Variants in CCDC68 observed in about 807,000 individuals in gnomAD.
The protein encoded by CCDC68 is coiled-coil domain containing 68.
Under a neutral mutation model 47.1 loss-of-function variants are expected in CCDC68, and 45 were observed. The observed-to-expected ratio is 0.96, with a 90% CI of 0.75 to 1.23. The LOEUF (loss-of-function observed/expected upper bound fraction) is 1.23, where lower values mean the gene tolerates loss of function less well. Ranked by LOEUF, CCDC68 falls within the 50% of genes most tolerant of loss-of-function variation. The probability of loss-of-function intolerance (pLI) is 0.00; values close to 1 mark genes in which losing one functional copy is unlikely to be tolerated. For missense variants in CCDC68, 353 were observed against 373.6 expected, an observed-to-expected ratio of 0.94 and a Z score of 0.45; for synonymous variants, 131 against 129.5, an observed-to-expected ratio of 1.01 and a Z score of -0.08.
chr18:54,942,217 G>A (rs1383690040), intron 3 of CCDC68, among the ~76,000 whole-genome samples: 1 of 152,190 alleles, frequency 6.6e-6, no homozygotes, highest in African/African-American at 2.4e-5. Context: ...TTAATGAAGT[G>A]ATATGCCAAC....
rs540994751 is a variant in CCDC68 at position 54,911,961 on chromosome 18, A to G, written c.874-4099T>C. 1.4e-3 allele frequency among the ~76,000 whole-genome samples: 210 copies of G among 152,350 alleles called. 1 individual carries two copies. The highest frequency in any genetic ancestry group is 4.8e-3 in the African/African-American group (200 of 41,590). On this transcript the variant is annotated intron_variant, in intron 10 of 11. Coordinates refer to ENST00000591504, the MANE Select transcript of CCDC68 (RefSeq NM_025214.3). ...GACTTTTCTGATTTTTCCTTTAACTAGGACAGTATATGCATGAGTTTTATT... is the reference window on the plus strand; with the variant it reads ...GACTTTTCTGATTTTTCCTTTAACTGGGACAGTATATGCATGAGTTTTATT...
Position 54,954,056 on chromosome 18 carries a change from C to CT in CCDC68, c.-103+5279dup, listed in dbSNP as rs756335310. On this transcript the variant is annotated intron_variant, in intron 1 of 11. Coordinates refer to ENST00000591504, the MANE Select transcript of CCDC68 (RefSeq NM_025214.3). The stretch of plus-strand genomic sequence containing the variant: ...CCCTCCTTCCTTTCTTTCTTTCTTT[C>CT]TTTTTTTTTTTTTGTTTCAGACATA... Among the ~76,000 whole-genome samples, 502 of 89,952 alleles carry CT rather than the reference C, an allele frequency of 5.6e-3. 8 individuals are homozygous for CT. Among genetic ancestry groups the CT allele is most frequent in the Middle Eastern group, 0.015 (2 of 130 alleles). 59.0% of individuals were successfully genotyped at this position (89,952 alleles called of 152,430 possible). A position where few individuals can be genotyped will look rare whatever the true frequency, so the allele number is the denominator to read the frequency against.
chr18:54,937,977 T>G lies in CCDC68; in HGVS notation c.325A>C (p.Asn109His), dbSNP rs2044376085. The change falls in exon 5 of 12, where the codon AAT becomes CAT. Residue 109 changes from asparagine to histidine, a missense_variant. Asn to His is a moderately conservative substitution (Grantham distance 68). Coordinates refer to ENST00000591504, the MANE Select transcript of CCDC68 (RefSeq NM_025214.3). The part of the protein sequence containing the change: ...DLQLLEMNKE[N>H]EVLKIKLQAS... ...CATACCTTGATTTTCAATACTTCAT[T>G]CTCTTTGTTCATTTCTAAGAGCTGT... 2 of 1,611,148 alleles carry G rather than the reference T, an allele frequency of 1.2e-6. No individual in the cohort carries two copies. The highest frequency in any genetic ancestry group is 2.7e-5 in the African/African-American group (2 of 74,822).
intron 1 of CCDC68, among the ~76,000 whole-genome samples, chr18:54,955,696 TAAG>T (rs1326322969): frequency 2.0e-5 from 3 of 152,288 alleles, no homozygotes; most frequent in Admixed American, 6.5e-5. Flanking sequence ...CTTGCAAAGT[TAAG>T]AAGTTCTTTT....
chr18:54,904,833 A>C (rs1338884839), intron 11 of CCDC68, among the ~76,000 whole-genome samples: 1 of 152,206 alleles, frequency 6.6e-6, no homozygotes, highest in Non-Finnish European at 1.5e-5. Context: ...TCTAGTATTT[A>C]AAACTGTAAG....
At chr18:54,905,959 G>A (rs977128893) in intron 11 of CCDC68, among the ~76,000 whole-genome samples, 3 of 152,166 alleles carry the variant, frequency 2.0e-5, no homozygotes, top group African/African-American at 7.2e-5. Context: ...TGCTCCTTAT[G>A]AGAATCTAAT....
intron 8 of CCDC68, among the ~76,000 whole-genome samples, chr18:54,920,236 C>CTTTTTTTTT (rs58528142): frequency 1.5e-5 from 2 of 135,232 alleles, no homozygotes; most frequent in African/African-American, 5.5e-5. Context: ...TTTCTTTTTT[C>CTTTTTTTTT]TTTTTTTTTT....
chr18:54,928,679 C>T (rs1310158939), intron 8 of CCDC68, 121 bp downstream of exon 8: 3 of 663,068 alleles, frequency 4.5e-6, no homozygotes, highest in Non-Finnish European at 8.1e-6. Context: ...CAACCTTCCT[C>T]CTGCACTGTC....
At position 54,904,392 on chromosome 18, in the gene CCDC68, G is replaced by T. The variant is rs780842893; in HGVS notation, c.974C>A (p.Ser325Tyr). The change falls in exon 12 of 12, where the codon TCC becomes TAC. Residue 325 changes from serine to tyrosine, a missense_variant. Ser to Tyr is a moderately radical substitution (Grantham distance 144). Coordinates refer to ENST00000591504, the MANE Select transcript of CCDC68 (RefSeq NM_025214.3). Reference protein sequence around the residue: ...STSELKTEGVSPYLMLIRLRK With the variant: ...STSELKTEGVYPYLMLIRLRK Reference sequence around the variant, plus strand: ...TAACCTAATCAACATTAAATAAGGGGAAACACCTTCGGTCTTCAATTCACT... The same window carrying T: ...TAACCTAATCAACATTAAATAAGGGTAAACACCTTCGGTCTTCAATTCACT... 1 of 1,613,552 alleles carries T rather than the reference G, an allele frequency of 6.2e-7. No individual in the cohort carries two copies. The highest frequency in any genetic ancestry group is 1.7e-5 in the Admixed American group (1 of 59,992).
chr18:54,943,773 T>C (rs562986397), intron 2 of CCDC68, among the ~76,000 whole-genome samples: 12 of 152,314 alleles, frequency 7.9e-5, no homozygotes, highest in Non-Finnish European at 7.4e-5. Context: ...CATTATAGAA[T>C]AAAGCCAACA....
At position 54,930,641 on chromosome 18, in the gene CCDC68, C is replaced by T. The variant is rs1178379756; in HGVS notation, c.601-1759G>A. On this transcript the variant is annotated intron_variant, in intron 7 of 11. Coordinates refer to ENST00000591504, the MANE Select transcript of CCDC68 (RefSeq NM_025214.3). ...CTTCCCTTCCCCTCCCTCCCTCCCT[C>T]CCTCCCTCCCTCCCTTCCTTCCTTC... Among the ~76,000 whole-genome samples the T allele has an allele frequency of 3.6e-3, 93 of 25,704 alleles. 1 individual carries two copies. The highest frequency in any genetic ancestry group is 0.029 in the South Asian group (12 of 418). 16.9% of individuals were successfully genotyped at this position (25,704 alleles called of 152,430 possible). A position where few individuals can be genotyped will look rare whatever the true frequency, so the allele number is the denominator to read the frequency against.
intron 3 of CCDC68, 29 bp downstream of exon 3, chr18:54,942,646 C>G (rs761334310): frequency 1.5e-6 from 2 of 1,294,958 alleles, no homozygotes; most frequent in African/African-American, 3.0e-5. Context: ...AAAATCATAT[C>G]ATACTAATGA....
intron 1 of CCDC68, among the ~76,000 whole-genome samples, chr18:54,957,318 T>C (rs149767679): frequency 2.0e-5 from 3 of 152,326 alleles, no homozygotes; most frequent in African/African-American, 4.8e-5. Context: ...AAAGGAAATA[T>C]GTGATTTGAA....
chr18:54,907,757 G>T, intron 11 of CCDC68, 29 bp downstream of exon 11: 2 of 1,262,644 alleles, frequency 1.6e-6, no homozygotes, highest in Non-Finnish European at 2.3e-6. Context: ...AGGTTGTGAA[G>T]ACAGGGTGGA....
chr18:54,952,878 C>T lies in CCDC68; in HGVS notation c.-103+6458G>A, dbSNP rs188455183. On this transcript the variant is annotated intron_variant, in intron 1 of 11. Coordinates refer to ENST00000591504, the MANE Select transcript of CCDC68 (RefSeq NM_025214.3). The stretch of plus-strand genomic sequence containing the variant: ...AAATACAAAAATTAGCCAGTTGTGG[C>T]GGTGCACGTGCGTAATCACAGCTAC... 3.9e-5 allele frequency among the ~76,000 whole-genome samples: 6 copies of T among 152,046 alleles called. No individual in the cohort carries two copies. The East Asian group carries it at 7.8e-4, about 20-fold the overall frequency.
Position 54,919,158 on chromosome 18 carries a change from T to C in CCDC68, c.789+113A>G, listed in dbSNP as rs60123577. 2,131 of 778,314 alleles carry C rather than the reference T, an allele frequency of 2.7e-3. 27 individuals are homozygous for C. The African/African-American group carries it at 0.032, about 12-fold the overall frequency. 48.2% of individuals were successfully genotyped at this position (778,314 alleles called of 1,614,324 possible). ...ATTGCATGAGAAACAAAAAAGGATA[T>C]GTCAGTAGGGAGAGAAATCTCATTG... On this transcript the variant is annotated intron_variant, in intron 9 of 11. Coordinates refer to ENST00000591504, the MANE Select transcript of CCDC68 (RefSeq NM_025214.3).
At chr18:54,924,334 C>T (rs1183683114) in intron 8 of CCDC68, among the ~76,000 whole-genome samples, 8 of 151,886 alleles carry the variant, frequency 5.3e-5, no homozygotes, top group Non-Finnish European at 7.4e-5. Flanking sequence ...GAGAAGAAGG[C>T]AGACTGGCTC....
chr18:54,951,215 C>A (rs2044615128), intron 1 of CCDC68, among the ~76,000 whole-genome samples: 1 of 152,064 alleles, frequency 6.6e-6, no homozygotes. Context: ...GCCCAGATGT[C>A]TTTTTAATGA....
In CCDC68 at chr18:54,904,153, T is replaced by G. The variant is rs1238806594; in HGVS notation, c.*205A>C. 1.0e-5 allele frequency: 4 copies of G among 399,334 alleles called. No individual in the cohort carries two copies. Among genetic ancestry groups the G allele is most frequent in the African/African-American group, 2.1e-5 (1 of 48,036 alleles). The allele number at this position is 399,334 out of a possible 1,614,324, so 24.7% of individuals were successfully genotyped here. A position where few individuals can be genotyped will look rare whatever the true frequency, so the allele number is the denominator to read the frequency against. On this transcript the variant is annotated 3_prime_UTR_variant, in exon 12 of 12. Transcript: ENST00000591504. The stretch of plus-strand genomic sequence containing the variant: ...TGAGAAGGCACCTGGTTTCTTCAAC[T>G]ATTTGGTAAGTTTTGAAGAGTCCAT...
Sources: gnomAD v4.1 joint callset for allele counts (sites outside exome capture counted in the v4.1 genomes callset) on GRCh38, gnomAD v4.1.1 for gene constraint, MANE v1.5 for transcripts, NCBI Gene and HGNC (gene_info 2026-07-23, HGNC 2026-07-21) for gene names.